Variants in PTPRK observed in about 807,000 individuals in gnomAD.
PTPRK encodes receptor-type tyrosine-protein phosphatase kappa.
A neutral mutation model predicts 178.0 loss-of-function variants in PTPRK; 75 were observed. The observed-to-expected ratio is 0.42, with a 90% CI of 0.35 to 0.51. The LOEUF (loss-of-function observed/expected upper bound fraction) is 0.51, where lower values mean the gene tolerates loss of function less well. Among genes scored for constraint, PTPRK ranks in the 20% least tolerant of loss-of-function variants. The pLI, the probability that PTPRK is intolerant of heterozygous loss-of-function variation, is 0.02. For synonymous variants in PTPRK, 637 were observed against 620.6 expected (o/e 1.03, Z -0.39); for missense variants, 1,441 against 1,797.8 (o/e 0.80, Z 3.59).
intron 24 of PTPRK, among the ~76,000 whole-genome samples, chr6:127,981,836 T>C (rs1252665799): frequency 6.6e-6 from 1 of 152,182 alleles, no homozygotes; most frequent in African/African-American, 2.4e-5. Context: ...TTATTACTAT[T>C]ATTATTTTTG....
intron 27 of PTPRK, among the ~76,000 whole-genome samples, chr6:127,975,274 TC>T (rs1316751996): frequency 1.3e-5 from 2 of 152,214 alleles, no homozygotes; most frequent in African/African-American, 2.4e-5. Flanking sequence ...TCTGTTTTTT[TC>T]CAACTCAAAT....
chr6:128,197,480 C>T (rs1805091747), intron 6 of PTPRK, among the ~76,000 whole-genome samples: 1 of 151,926 alleles, frequency 6.6e-6, no homozygotes, highest in Non-Finnish European at 1.5e-5. Context: ...TATAAAGGCA[C>T]TAATTTGTAC....
At chr6:128,467,545 C>T (rs944090574) in intron 1 of PTPRK, among the ~76,000 whole-genome samples, 22 of 152,198 alleles carry the variant, frequency 1.4e-4, no homozygotes, top group Admixed American at 9.8e-4. Flanking sequence ...ATATCACCAA[C>T]GCGAAGCATG....
chr6:128,145,824 T>C (rs1796410090), intron 7 of PTPRK, among the ~76,000 whole-genome samples: 1 of 152,202 alleles, frequency 6.6e-6, no homozygotes, highest in Admixed American at 6.5e-5. Flanking sequence ...CATTTCTATC[T>C]TAAAAAATGA....
intron 13 of PTPRK, among the ~76,000 whole-genome samples, chr6:128,032,634 A>C (rs1219727085): frequency 6.6e-6 from 1 of 152,222 alleles, no homozygotes; most frequent in East Asian, 1.9e-4. Context: ...GTAAGGGTGA[A>C]AACATTCCCC....
intron 13 of PTPRK, among the ~76,000 whole-genome samples, chr6:128,060,324 G>C (rs1780599826): frequency 6.6e-6 from 1 of 152,082 alleles, no homozygotes. Flanking sequence ...ATCCACCAAT[G>C]AAGTCAGAGT....
chr6:128,286,468 G>A (rs2128304980), intron 3 of PTPRK, among the ~76,000 whole-genome samples: 1 of 151,922 alleles, frequency 6.6e-6, no homozygotes, highest in Non-Finnish European at 1.5e-5. Flanking sequence ...GATTTGTATA[G>A]GAACTATCTC....
At chr6:128,083,670 G>T in intron 9 of PTPRK, 45 bp downstream of exon 9, 3 of 1,194,480 alleles carry the variant, frequency 2.5e-6, no homozygotes, top group Non-Finnish European at 3.6e-6. Flanking sequence ...CTTCCTTTTA[G>T]TCCTTCAATC....
chr6:128,324,276 T>C (rs999504461), intron 2 of PTPRK, among the ~76,000 whole-genome samples: 2 of 152,134 alleles, frequency 1.3e-5, no homozygotes, highest in African/African-American at 4.8e-5. Context: ...AACTTTAAAG[T>C]AGTAATCTCT....
chr6:128,266,333 C>T (rs1424357888), intron 3 of PTPRK, among the ~76,000 whole-genome samples: 1 of 152,052 alleles, frequency 6.6e-6, no homozygotes, highest in Non-Finnish European at 1.5e-5. Flanking sequence ...AAATGTCTAC[C>T]AAATACCTGT....
chr6:128,420,696 G>A (rs567661875), intron 1 of PTPRK, among the ~76,000 whole-genome samples: 50 of 152,276 alleles, frequency 3.3e-4, no homozygotes, highest in African/African-American at 1.0e-3. Flanking sequence ...AAGAACTTAC[G>A]AAAATGACAG....
chr6:128,093,519 C>T (rs1466429670), intron 7 of PTPRK, among the ~76,000 whole-genome samples: 2 of 135,208 alleles, frequency 1.5e-5, no homozygotes, highest in South Asian at 2.4e-4. Flanking sequence ...CACTTGAACC[C>T]TGGAGGCAGA....
chr6:128,438,351 C>T (rs979319835), intron 1 of PTPRK, among the ~76,000 whole-genome samples: 1 of 152,208 alleles, frequency 6.6e-6, no homozygotes, highest in Non-Finnish European at 1.5e-5. Context: ...CACTCTAAAC[C>T]ATAATAATTC....
At chr6:128,107,651 C>A (rs1451213173) in intron 7 of PTPRK, among the ~76,000 whole-genome samples, 1 of 152,076 alleles carries the variant, frequency 6.6e-6, no homozygotes. Context: ...TATCAATTTG[C>A]CTTAAGTTAC....
chr6:128,396,572 A>C (rs923332213), intron 2 of PTPRK, among the ~76,000 whole-genome samples: 1 of 152,086 alleles, frequency 6.6e-6, no homozygotes, highest in Non-Finnish European at 1.5e-5. Context: ...ATTGTATGAA[A>C]TGGTATGTAA....
intron 15 of PTPRK, chr6:128,000,232 A>G: frequency 4.3e-6 from 5 of 1,150,958 alleles, no homozygotes; most frequent in Non-Finnish European, 5.5e-6. Context: ...AGATAAACAT[A>G]TTTCAAGTGC....
chr6:128,025,499 C>T lies in PTPRK; in HGVS notation c.2195-16231G>A, dbSNP rs538459876. Among the ~76,000 whole-genome samples the T allele has an allele frequency of 1.7e-3, 263 of 152,334 alleles. 1 individual carries two copies. The highest frequency in any genetic ancestry group is 5.9e-3 in the African/African-American group (247 of 41,568). ...AGATCAAATGCTGACTTAACAACTG[C>T]ATCTAAAAGAAAAAGTCATAAAATA... On this transcript the variant is annotated intron_variant, in intron 13 of 29. Transcript: ENST00000368226.
intron 1 of PTPRK, among the ~76,000 whole-genome samples, chr6:128,514,059 G>A (rs912843631): frequency 6.6e-6 from 1 of 152,168 alleles, no homozygotes; most frequent in Non-Finnish European, 1.5e-5. Context: ...CTTGAACAGC[G>A]CTTGGAGAAT....
intron 1 of PTPRK, among the ~76,000 whole-genome samples, chr6:128,474,546 C>G (rs1339256949): frequency 1.3e-5 from 2 of 152,028 alleles, no homozygotes; most frequent in African/African-American, 4.8e-5. Flanking sequence ...CTCCTTTTCT[C>G]AAATCAAACT....
Sources: gnomAD v4.1 joint callset for allele counts (sites outside exome capture counted in the v4.1 genomes callset) on GRCh38, gnomAD v4.1.1 for gene constraint, MANE v1.5 for transcripts, NCBI Gene and HGNC (gene_info 2026-07-23, HGNC 2026-07-21) for gene names.